The following RIMS2 variants were observed in gnomAD, a reference collection of about 807,000 sequenced individuals.
The protein encoded by RIMS2 is regulating synaptic membrane exocytosis protein 2.
Under a neutral mutation model 174.4 loss-of-function variants are expected in RIMS2, and 59 were observed. The observed-to-expected ratio is 0.34, with a 90% CI of 0.27 to 0.42. The LOEUF (loss-of-function observed/expected upper bound fraction) is 0.42, where lower values mean the gene tolerates loss of function less well. Ranked by LOEUF, RIMS2 falls within the 10% of genes least tolerant of loss-of-function variation. The pLI, the probability that RIMS2 is intolerant of heterozygous loss-of-function variation, is 1.00. For synonymous variants in RIMS2, 606 were observed against 572.5 expected (o/e 1.06, Z -0.84); for missense variants, 1,620 against 1,666.3 (o/e 0.97, Z 0.48).
At chr8:104,236,219 T>C (rs913956405) in intron 19 of RIMS2, among the ~76,000 whole-genome samples, 10 of 152,062 alleles carry the variant, frequency 6.6e-5, no homozygotes, top group African/African-American at 2.2e-4. Flanking sequence ...TTCTTACTCC[T>C]AGGCATGCTA....
rs577214624 is a variant in RIMS2 at position 103,877,106 on chromosome 8, A to C, written c.699-8192A>C. ...GAGATCAAATGGTAGTTCTACTTTT[A>C]GTTCTTTAAGGAATCTCCTGTTTTC... On this transcript the variant is annotated intron_variant, in intron 3 of 23. Transcript: ENST00000504942. Among the ~76,000 whole-genome samples the C allele has an allele frequency of 6.0e-5, 9 of 151,240 alleles. No individual in the cohort carries two copies. In the Middle Eastern group the frequency reaches 0.01, roughly 171 times the overall value.
chr8:103,853,668 G>T (rs983304620), intron 3 of RIMS2, among the ~76,000 whole-genome samples: 1 of 152,026 alleles, frequency 6.6e-6, no homozygotes, highest in South Asian at 2.1e-4. Flanking sequence ...GTTTTTGTCA[G>T]CCTTGACAAA....
intron 1 of RIMS2, among the ~76,000 whole-genome samples, chr8:103,620,448 G>A (rs1406229133): frequency 2.6e-5 from 4 of 151,550 alleles, no homozygotes; most frequent in Non-Finnish European, 4.4e-5. Context: ...AAAAAAAAAT[G>A]CCTAAATTTC....
intron 1 of RIMS2, among the ~76,000 whole-genome samples, chr8:103,534,513 A>G (rs945984845): frequency 6.6e-6 from 1 of 152,252 alleles, no homozygotes; most frequent in Non-Finnish European, 1.5e-5. Context: ...GTATCCTCTA[A>G]GTGATGAATA....
intron 1 of RIMS2, among the ~76,000 whole-genome samples, chr8:103,610,834 G>A (rs1029893819): frequency 8.5e-5 from 13 of 152,258 alleles, no homozygotes; most frequent in East Asian, 7.7e-4. Flanking sequence ...GATAATGCTG[G>A]CCTCATAGAA....
chr8:104,178,293 C>G (rs986216607), intron 19 of RIMS2, among the ~76,000 whole-genome samples: 1 of 152,130 alleles, frequency 6.6e-6, no homozygotes, highest in East Asian at 1.9e-4. Flanking sequence ...AAGTCCGCAT[C>G]TCCTTGCTGC....
intron 19 of RIMS2, among the ~76,000 whole-genome samples, chr8:104,235,278 C>T (rs902037371): frequency 2.0e-4 from 31 of 152,140 alleles, no homozygotes; most frequent in African/African-American, 6.7e-4. Flanking sequence ...AAGATGGAAG[C>T]CCAGCATGCT....
chr8:104,017,530 T>C (rs1181744317), intron 19 of RIMS2, among the ~76,000 whole-genome samples: 2 of 152,172 alleles, frequency 1.3e-5, no homozygotes, highest in Non-Finnish European at 2.9e-5. Context: ...CTAACTTTTA[T>C]GTACTGCCAT....
At chr8:103,582,568 G>A (rs941569812) in intron 1 of RIMS2, among the ~76,000 whole-genome samples, 1 of 152,292 alleles carries the variant, frequency 6.6e-6, no homozygotes, top group East Asian at 1.9e-4. Flanking sequence ...ACCTGGAAGG[G>A]TGAGTCCCAG....
intron 2 of RIMS2, among the ~76,000 whole-genome samples, chr8:103,744,927 T>C (rs1319193484): frequency 1.3e-5 from 2 of 152,230 alleles, no homozygotes; most frequent in Admixed American, 6.5e-5. Context: ...GCATCAAATG[T>C]TGGGCTCAGG....
intron 2 of RIMS2, among the ~76,000 whole-genome samples, chr8:103,746,749 C>A (rs573992007): frequency 6.6e-6 from 1 of 151,854 alleles, no homozygotes; most frequent in Non-Finnish European, 1.5e-5. Flanking sequence ...GGTGCCATCT[C>A]GGCTCACTGC....
chr8:103,837,940 C>CTTTT (rs34876587), intron 3 of RIMS2, among the ~76,000 whole-genome samples: 1 of 135,736 alleles, frequency 7.4e-6, no homozygotes, highest in Non-Finnish European at 1.6e-5. Flanking sequence ...CTTTCTTTCT[C>CTTTT]TTTTTTTTTT....
chr8:103,703,284 C>G (rs1463200741), intron 2 of RIMS2, among the ~76,000 whole-genome samples: 2 of 152,122 alleles, frequency 1.3e-5, no homozygotes, highest in Admixed American at 1.3e-4. Context: ...TTTGCCCAGG[C>G]TGGAGTGCAG....
chr8:103,515,916 A>T (rs555663261), intron 1 of RIMS2, among the ~76,000 whole-genome samples: 57 of 152,088 alleles, frequency 3.7e-4, no homozygotes, highest in Non-Finnish European at 5.7e-4. Context: ...CTGTTTGCTG[A>T]CTATAGATTC....
intron 3 of RIMS2, among the ~76,000 whole-genome samples, chr8:103,795,363 C>G (rs894115177): frequency 7.0e-6 from 1 of 142,994 alleles, no homozygotes; most frequent in Non-Finnish European, 1.5e-5. Context: ...TGTTCTCACT[C>G]ATAGGTGGGA....
Position 103,747,431 on chromosome 8 carries a change from C to CAA in RIMS2, c.388-18787_388-18786dup, listed in dbSNP as rs144184832. 2.8e-4 allele frequency among the ~76,000 whole-genome samples: 40 copies of CAA among 144,858 alleles called. 1 individual carries two copies. The highest frequency in any genetic ancestry group is 8.6e-4 in the African/African-American group (34 of 39,394). On this transcript the variant is annotated intron_variant, in intron 2 of 23. Coordinates refer to ENST00000504942, the Ensembl canonical transcript of RIMS2. ...ACAGGAAGTATTAAAACGTTTTGACCAAAAAAAAAATATGACATGATCTTA... is the reference window on the plus strand; with the variant it reads ...ACAGGAAGTATTAAAACGTTTTGACCAAAAAAAAAAAATATGACATGATCTTA...
chr8:104,050,490 A>T (rs557826440), intron 19 of RIMS2, among the ~76,000 whole-genome samples: 183 of 152,280 alleles, frequency 1.2e-3, no homozygotes, highest in African/African-American at 4.3e-3. Context: ...AAACCAGAAG[A>T]CTAAACCAGA....
At chr8:104,177,398 C>G (rs2098908787) in intron 19 of RIMS2, among the ~76,000 whole-genome samples, 2 of 152,082 alleles carry the variant, frequency 1.3e-5, no homozygotes, top group Non-Finnish European at 2.9e-5. Flanking sequence ...AATTTATGTA[C>G]TTCATATGTA....
At chr8:104,111,063 A>C (rs887318626) in intron 19 of RIMS2, among the ~76,000 whole-genome samples, 2 of 152,152 alleles carry the variant, frequency 1.3e-5, no homozygotes, top group Admixed American at 1.3e-4. Flanking sequence ...GGGGTTGTCT[A>C]GAAAAAACTC....
Sources: allele counts gnomAD v4.1 joint callset (sites outside exome capture counted in the v4.1 genomes callset), GRCh38; gene constraint gnomAD v4.1.1; transcripts MANE v1.5; gene names NCBI Gene and HGNC (gene_info 2026-07-23, HGNC 2026-07-21).